The following SMIM36 variants were observed in gnomAD, a reference collection of about 807,000 sequenced individuals.
SMIM36 encodes the protein small integral membrane protein 36.
intron 1 of SMIM36, among the ~76,000 whole-genome samples, chr17:55,488,322 C>G (rs1041864639): frequency 6.6e-6 from 1 of 152,194 alleles, no homozygotes; most frequent in Non-Finnish European, 1.5e-5. Context: ...GGCTGCATTA[C>G]GAAATTCTCT....
chr17:55,458,985 G>T (rs951720056), intron 4 of SMIM36, among the ~76,000 whole-genome samples: 4 of 152,290 alleles, frequency 2.6e-5, no homozygotes, highest in East Asian at 1.9e-4. Context: ...AATTCAAGTG[G>T]TCTGTAGATG....
intron 1 of SMIM36, among the ~76,000 whole-genome samples, chr17:55,501,531 A>G (rs1320350856): frequency 8.6e-6 from 1 of 116,400 alleles, no homozygotes; most frequent in Non-Finnish European, 1.6e-5. Context: ...AATATTGTAT[A>G]TAATTATATA....
At chr17:55,517,895 G>C in the SMIM36 span, among the ~76,000 whole-genome samples, 1 of 152,106 alleles carries the variant, frequency 6.6e-6, no homozygotes, top group Non-Finnish European at 1.5e-5. Flanking sequence ...GAAGAGAAGA[G>C]GAATAAGGAC....
At position 55,460,362 on chromosome 17, in the gene SMIM36, A is replaced by C. The variant is rs1447405660; in HGVS notation, c.*531+6783T>G. Among the ~76,000 whole-genome samples, 5 of 151,708 alleles carry C rather than the reference A, an allele frequency of 3.3e-5. No individual in the cohort carries two copies. In the East Asian group the frequency reaches 9.7e-4, roughly 30 times the overall value. Reference sequence around the variant, plus strand: ...AGAATCGCTTGAATCTGGGCAGCAGAGGATGCAGTGACCCTAGATTGTGCC... The same window carrying C: ...AGAATCGCTTGAATCTGGGCAGCAGCGGATGCAGTGACCCTAGATTGTGCC... On this transcript the variant is annotated intron_variant, in intron 4 of 4. Transcript: ENST00000636752.
intron 1 of SMIM36, among the ~76,000 whole-genome samples, chr17:55,487,412 C>A (rs1312852738): frequency 6.6e-6 from 1 of 152,080 alleles, no homozygotes; most frequent in African/African-American, 2.4e-5. Flanking sequence ...TATGGGGTCA[C>A]AGAACAGGGT....
chr17:55,481,588 G>A (rs1356045644), intron 1 of SMIM36, among the ~76,000 whole-genome samples: 5 of 152,132 alleles, frequency 3.3e-5, no homozygotes, highest in Non-Finnish European at 7.3e-5. Context: ...TAGGAAGCAC[G>A]GGTATAAGTG....
intron 1 of SMIM36, among the ~76,000 whole-genome samples, chr17:55,488,758 T>C (rs1909651249): frequency 6.6e-6 from 1 of 152,232 alleles, no homozygotes; most frequent in South Asian, 2.1e-4. Flanking sequence ...ACTTTTTCCA[T>C]AGAGGACATT....
upstream of SMIM36, among the ~76,000 whole-genome samples, chr17:55,515,508 A>C (rs1001373424): frequency 3.9e-5 from 6 of 152,346 alleles, no homozygotes; most frequent in African/African-American, 1.4e-4. Context: ...TAATTAGTTA[A>C]GGGTGAGATT....
At position 55,458,981 on chromosome 17, in the gene SMIM36, A is replaced by G. The variant is rs74673681; in HGVS notation, c.*531+8164T>C. 3.9e-3 allele frequency among the ~76,000 whole-genome samples: 595 copies of G among 152,274 alleles called. 3 individuals are homozygous for G. The highest frequency in any genetic ancestry group is 0.014 in the African/African-American group (575 of 41,554). ...GGGTCTAATTGAGCTGGTTAATTCA[A>G]GTGGTCTGTAGATGGCAAACTGAGA... On this transcript the variant is annotated intron_variant, in intron 4 of 4. Transcript: ENST00000636752.
chr17:55,529,198 G>C, the SMIM36 span, among the ~76,000 whole-genome samples: 1 of 152,206 alleles, frequency 6.6e-6, no homozygotes, highest in Non-Finnish European at 1.5e-5. Context: ...TCTTGCTGCA[G>C]TATAAAAGAG....
chr17:55,516,812 G>A, the SMIM36 span, among the ~76,000 whole-genome samples: 3 of 151,980 alleles, frequency 2.0e-5, no homozygotes, highest in Middle Eastern at 3.4e-3. Context: ...CACCTGCCTC[G>A]GCCTCCTAAA....
intron 1 of SMIM36, among the ~76,000 whole-genome samples, chr17:55,485,507 T>C (rs1052337585): frequency 1.3e-5 from 2 of 151,180 alleles, no homozygotes; most frequent in Non-Finnish European, 2.9e-5. Context: ...CTGGCTGGAG[T>C]TGAACTCCTG....
At chr17:55,488,599 A>C (rs1180428830) in intron 1 of SMIM36, among the ~76,000 whole-genome samples, 3 of 152,208 alleles carry the variant, frequency 2.0e-5, no homozygotes, top group African/African-American at 7.2e-5. Context: ...TTACAATATC[A>C]GTATATTTGT....
At chr17:55,484,026 A>G (rs1412413072) in intron 1 of SMIM36, among the ~76,000 whole-genome samples, 1 of 152,240 alleles carries the variant, frequency 6.6e-6, no homozygotes, top group South Asian at 2.1e-4. Context: ...CCTGACTAAT[A>G]TAGACTGCTC....
chr17:55,483,226 T>C lies in SMIM36; in HGVS notation c.*175-3646A>G, dbSNP rs185597329. 1.9e-3 allele frequency among the ~76,000 whole-genome samples: 292 copies of C among 152,326 alleles called. 1 individual carries two copies. Among genetic ancestry groups the C allele is most frequent in the African/African-American group, 6.6e-3 (275 of 41,566 alleles). ...AAATTACAAATTCAAATGTTTCTTGTTGGGTTTGGCCTGAGTGCTCTCTCC... is the reference window on the plus strand; with the variant it reads ...AAATTACAAATTCAAATGTTTCTTGCTGGGTTTGGCCTGAGTGCTCTCTCC... On this transcript the variant is annotated intron_variant, in intron 1 of 4. Coordinates refer to ENST00000636752, the Ensembl canonical transcript of SMIM36.
At chr17:55,508,046 C>T (rs1910109691) in intron 1 of SMIM36, among the ~76,000 whole-genome samples, 1 of 152,138 alleles carries the variant, frequency 6.6e-6, no homozygotes, top group Non-Finnish European at 1.5e-5. Context: ...TGGATTAGCC[C>T]TAAATGCAAC....
At chr17:55,489,855 T>C (rs1909671388) in intron 1 of SMIM36, among the ~76,000 whole-genome samples, 1 of 54,658 alleles carries the variant, frequency 1.8e-5, no homozygotes, top group Non-Finnish European at 4.6e-5. Flanking sequence ...GCTCGGTTTT[T>C]TTTTGTTTTT....
chr17:55,482,299 C>T (rs1479934550), intron 1 of SMIM36, among the ~76,000 whole-genome samples: 1 of 152,180 alleles, frequency 6.6e-6, no homozygotes, highest in Non-Finnish European at 1.5e-5. Context: ...GCATCCACAA[C>T]ATCCTCCCCA....
chr17:55,490,123 C>T (rs917258733), intron 1 of SMIM36, among the ~76,000 whole-genome samples: 2 of 151,712 alleles, frequency 1.3e-5, no homozygotes, highest in African/African-American at 2.4e-5. Flanking sequence ...CCAAAGTGCT[C>T]GGATTATAGA....
Sources: gnomAD v4.1 joint callset for allele counts (sites outside exome capture counted in the v4.1 genomes callset) on GRCh38, gnomAD v4.1.1 for gene constraint, MANE v1.5 for transcripts, NCBI Gene and HGNC (gene_info 2026-07-23, HGNC 2026-07-21) for gene names.